Variants in CUX2 observed in about 807,000 individuals in gnomAD.
CUX2 encodes the protein cut like homeobox 2, also known as homeobox protein cut-like 2.
CUX2 carries 40 observed loss-of-function variants against 144.8 expected under a neutral mutation model. That is an observed-to-expected ratio of 0.28 (90% CI 0.21 to 0.36). The LOEUF (loss-of-function observed/expected upper bound fraction) is 0.36. Ranked by LOEUF, CUX2 falls within the 10% of genes least tolerant of loss-of-function variation. The pLI is 1.00. For missense variants in CUX2, 1,615 were observed against 1,994.0 expected, an observed-to-expected ratio of 0.81 and a Z score of 3.62; for synonymous variants, 827 against 875.6, an observed-to-expected ratio of 0.94 and a Z score of 0.98.
At position 111,132,557 on chromosome 12, in the gene CUX2, C is replaced by CTTTTTTTTTT. The variant is rs1182564665; in HGVS notation, c.64-81625_64-81616dup. Among the ~76,000 whole-genome samples the CTTTTTTTTTT allele has an allele frequency of 1.7e-4, 17 of 97,158 alleles. 2 individuals are homozygous for CTTTTTTTTTT. Among genetic ancestry groups the CTTTTTTTTTT allele is most frequent in the African/African-American group, 7.4e-4 (15 of 20,332 alleles). 63.7% of individuals were successfully genotyped at this position (97,158 alleles called of 152,430 possible). Reference sequence around the variant, plus strand: ...TTTCTGAATTTTTATGCTCTGTTTCCTTTTTTTTTTTTTTTTTTTTTTTTT... The same window carrying CTTTTTTTTTT: ...TTTCTGAATTTTTATGCTCTGTTTCCTTTTTTTTTTTTTTTTTTTTTTTTTTTTTTTTTTT... On this transcript the variant is annotated intron_variant, in intron 1 of 21. Coordinates refer to ENST00000261726, the MANE Select transcript of CUX2 (RefSeq NM_015267.4).
In CUX2 at chr12:111,190,315, C is replaced by T. The variant is rs1490042764; in HGVS notation, c.64-23885C>T. On this transcript the variant is annotated intron_variant, in intron 1 of 21. Coordinates refer to ENST00000261726, the MANE Select transcript of CUX2 (RefSeq NM_015267.4). The surrounding 1 kb of genome is among the most constrained non-coding windows in gnomAD (Gnocchi z 4.0). ...AATGCAACAATTACTGCTCAGGACT[C>T]GGGAGTAGGGTGCAGAGGTTCCCAT... Among the ~76,000 whole-genome samples, 2 of 152,256 alleles carry T rather than the reference C, an allele frequency of 1.3e-5. No individual in the cohort carries two copies. The highest frequency in any genetic ancestry group is 1.9e-4 in the East Asian group (1 of 5,176).
intron 20 of CUX2, among the ~76,000 whole-genome samples, chr12:111,340,534 T>C (rs1888533723): frequency 6.6e-6 from 1 of 152,164 alleles, no homozygotes; most frequent in Non-Finnish European, 1.5e-5. Flanking sequence ...CAGAGTGAGA[T>C]TCTAATTCTT....
intron 1 of CUX2, among the ~76,000 whole-genome samples, chr12:111,094,298 C>T (rs892540570): frequency 6.6e-6 from 1 of 152,328 alleles, no homozygotes; most frequent in African/African-American, 2.4e-5. Flanking sequence ...GTGTGAGCAG[C>T]CCTGGCCACC....
intron 20 of CUX2, 137 bp from the exon 21 acceptor site, chr12:111,341,643 G>T: frequency 2.1e-6 from 2 of 968,782 alleles, no homozygotes; most frequent in East Asian, 2.5e-5. Context: ...AAGGCTGGGG[G>T]GCGGGCCTCT....
At chr12:111,090,605 CAG>C (rs1442429553) in intron 1 of CUX2, among the ~76,000 whole-genome samples, 1 of 152,104 alleles carries the variant, frequency 6.6e-6, no homozygotes, top group Non-Finnish European at 1.5e-5. Flanking sequence ...CTCTGTAAAA[CAG>C]AGGTGATTTC....
At chr12:111,309,986 CCCT>C in intron 14 of CUX2, 52 bp from the exon 15 acceptor site, 2 of 1,266,806 alleles carry the variant, frequency 1.6e-6, no homozygotes, top group Non-Finnish European at 2.0e-6. Context: ...TCTCTCTCTC[CCCT>C]CATCATCGTC....
At chr12:111,062,188 T>TA (rs915546686) in intron 1 of CUX2, among the ~76,000 whole-genome samples, 11 of 152,306 alleles carry the variant, frequency 7.2e-5, no homozygotes, top group African/African-American at 2.6e-4. Flanking sequence ...CCCATGTAGG[T>TA]ACTTTTCTGC....
At chr12:111,142,530 A>G (rs1303993135) in intron 1 of CUX2, among the ~76,000 whole-genome samples, 7 of 107,180 alleles carry the variant, frequency 6.5e-5, no homozygotes, top group African/African-American at 3.5e-4. Context: ...TCAGGGAAGG[A>G]AAAAAAAAAA....
chr12:111,215,346 A>G (rs1881474555), intron 2 of CUX2, among the ~76,000 whole-genome samples: 1 of 152,224 alleles, frequency 6.6e-6, no homozygotes, highest in Non-Finnish European at 1.5e-5. Context: ...GGATCAGGTC[A>G]TATGAGCACA....
chr12:111,091,831 T>C (rs1480069359), intron 1 of CUX2, among the ~76,000 whole-genome samples: 1 of 152,212 alleles, frequency 6.6e-6, no homozygotes, highest in African/African-American at 2.4e-5. Context: ...GCCGCATCAC[T>C]AGGATCTTGC....
At chr12:111,244,096 T>G (rs184233185) in intron 3 of CUX2, among the ~76,000 whole-genome samples, 128 of 152,222 alleles carry the variant, frequency 8.4e-4, no homozygotes, top group African/African-American at 1.7e-3. Context: ...TTTTGGGTTT[T>G]TTTTTGTTTT....
At chr12:111,042,963 A>G (rs1255924603) in intron 1 of CUX2, among the ~76,000 whole-genome samples, 1 of 152,160 alleles carries the variant, frequency 6.6e-6, no homozygotes, top group Non-Finnish European at 1.5e-5. Flanking sequence ...GAGTTAATGC[A>G]TATGAAGCGC....
rs184729866 is a variant in CUX2, at chr12:111,307,785, C to A, written c.1110-500C>A. ...ATCACCTGAGGTCAGGAGTTCAAAA[C>A]CAGCCTGGCCGAAAGGGCAAAACCC... On this transcript the variant is annotated intron_variant, in intron 12 of 21. Transcript: ENST00000261726. The surrounding 1 kb of genome is among the most constrained non-coding windows in gnomAD (Gnocchi z 4.1). Among the ~76,000 whole-genome samples the A allele has an allele frequency of 4.6e-5, 7 of 152,326 alleles. No individual in the cohort carries two copies. The East Asian group carries it at 1.4e-3, about 29-fold the overall frequency.
At position 111,160,987 on chromosome 12, in the gene CUX2, A is replaced by G. The variant is rs1359444585; in HGVS notation, c.64-53213A>G. ...TATGGGTTTGAAACCTGAGATGCCC[A>G]TGGTCTCCCAGAGGGGTTATCAGGT... On this transcript the variant is annotated intron_variant, in intron 1 of 21. Transcript: ENST00000261726. This position sits in a 1 kb window ranked among gnomAD's most constrained non-coding sequence, Gnocchi z 4.1. Among the ~76,000 whole-genome samples, 1 of 152,144 alleles carries G rather than the reference A, an allele frequency of 6.6e-6. No individual in the cohort carries two copies. Among genetic ancestry groups the G allele is most frequent in the Non-Finnish European group, 1.5e-5 (1 of 68,012 alleles).
chr12:111,196,237 C>T (rs535624026), intron 1 of CUX2, among the ~76,000 whole-genome samples: 3 of 152,186 alleles, frequency 2.0e-5, no homozygotes, highest in South Asian at 2.1e-4. Flanking sequence ...GGATAGACCA[C>T]GTTTTATCCG....
chr12:111,100,515 A>G (rs1338903836), intron 1 of CUX2, among the ~76,000 whole-genome samples: 1 of 152,006 alleles, frequency 6.6e-6, no homozygotes, highest in Non-Finnish European at 1.5e-5. Flanking sequence ...AAGGAGACAC[A>G]TGGGTGCGTG....
chr12:111,099,726 G>T lies in CUX2; in HGVS notation c.63+65486G>T, dbSNP rs879232796. ...TGATCACCTATTGGGTTTATTGGGC[G>T]CCGAAACTGGGGCCTGCACGGATGG... On this transcript the variant is annotated intron_variant, in intron 1 of 21. Transcript: ENST00000261726. 14 of 456,204 alleles carry T rather than the reference G, an allele frequency of 3.1e-5. 1 individual carries two copies. The highest frequency in any genetic ancestry group is 2.2e-4 in the South Asian group (14 of 64,540). 28.3% of individuals were successfully genotyped at this position (456,204 alleles called of 1,614,324 possible).
At chr12:111,112,560 CAG>C (rs1049345042) in intron 1 of CUX2, among the ~76,000 whole-genome samples, 4 of 151,868 alleles carry the variant, frequency 2.6e-5, no homozygotes, top group Non-Finnish European at 5.9e-5. Flanking sequence ...AGGTGTGACA[CAG>C]GGGGACGTGG....
chr12:111,247,041 G>A (rs1209409844), intron 3 of CUX2, among the ~76,000 whole-genome samples: 2 of 152,166 alleles, frequency 1.3e-5, no homozygotes, highest in African/African-American at 4.8e-5. Flanking sequence ...GCTAGGCTAT[G>A]TGCTAAGCAC....
Sources: allele counts gnomAD v4.1 joint callset (sites outside exome capture counted in the v4.1 genomes callset), GRCh38; gene constraint gnomAD v4.1.1; non-coding constraint Gnocchi (gnomAD v3.1); transcripts MANE v1.5; gene names NCBI Gene and HGNC (gene_info 2026-07-23, HGNC 2026-07-21).